The following HS6ST2 variants were observed in gnomAD, a reference collection of about 807,000 sequenced individuals.
HS6ST2 encodes heparan sulfate 6-O-sulfotransferase 2, also known as heparan-sulfate 6-O-sulfotransferase 2.
In HS6ST2, 17 loss-of-function variants were observed where a neutral mutation model predicts 33.0. The ratio of observed to expected loss-of-function variants is 0.52; its 90% confidence interval spans 0.35 to 0.77. The LOEUF (loss-of-function observed/expected upper bound fraction) is 0.77. HS6ST2 is among the 30% of genes least tolerant of loss of function. The pLI is 0.01. For missense variants in HS6ST2, 519 were observed against 551.7 expected (o/e 0.94, Z 0.59); for synonymous variants, 248 against 237.1 (o/e 1.05, Z -0.42).
upstream of HS6ST2, among the ~76,000 whole-genome samples, chrX:132,959,059 A>C (rs1013860580): frequency 3.6e-5 from 4 of 111,761 alleles, no homozygotes; most frequent in African/African-American, 1.3e-4. Context: ...ACTCCATCAG[A>C]GTGAGACCGT....
chrX:132,882,200 G>A (rs1463818672), intron 2 of HS6ST2, among the ~76,000 whole-genome samples: 3 of 111,145 alleles, frequency 2.7e-5, no homozygotes, highest in East Asian at 2.8e-4. Context: ...CATTGAATCT[G>A]TAAATTACCT....
chrX:132,703,102 A>G (rs1161061499), intron 3 of HS6ST2, among the ~76,000 whole-genome samples: 2 of 112,344 alleles, frequency 1.8e-5, no homozygotes, highest in African/African-American at 6.5e-5. Context: ...TGTGCACATC[A>G]TTATAATGAG....
At chrX:132,801,745 A>G (rs2065237539) in intron 2 of HS6ST2, among the ~76,000 whole-genome samples, 1 of 112,284 alleles carries the variant, frequency 8.9e-6, no homozygotes, top group Admixed American at 9.5e-5. Context: ...TAGTAGTAAG[A>G]AGGAAAACAT....
chrX:132,637,874 TA>T (rs1569475969), intron 4 of HS6ST2, among the ~76,000 whole-genome samples: 5 of 41,559 alleles, frequency 1.2e-4, no homozygotes, highest in African/African-American at 4.1e-4. Context: ...ATATTATATA[TA>T]ATATATATAT....
intron 2 of HS6ST2, among the ~76,000 whole-genome samples, chrX:132,794,209 G>C (rs2065149317): frequency 8.9e-6 from 1 of 111,741 alleles, no homozygotes; most frequent in Non-Finnish European, 1.9e-5. Flanking sequence ...TTAGATGAAG[G>C]CTTCCTTCTG....
At chrX:132,910,904 C>T (rs780039466) in intron 2 of HS6ST2, among the ~76,000 whole-genome samples, 1 of 111,614 alleles carries the variant, frequency 9.0e-6, no homozygotes, top group South Asian at 3.8e-4. Context: ...AATCCCAACA[C>T]TTTGGGAGGC....
Position 132,875,939 on chromosome X carries a change from GA to G in HS6ST2, c.947+80868del, listed in dbSNP as rs375217686. On this transcript the variant is annotated intron_variant, in intron 2 of 4. Transcript: ENST00000370833. ...TTCAAAAGGATGTGAAGTGATCCAA[GA>G]AAAAAAAAAAACTCAGCCTCTTTGG... Among the ~76,000 whole-genome samples the G allele has an allele frequency of 9.4e-3, 955 of 101,347 alleles. 4 individuals carry two copies. The highest frequency in any genetic ancestry group is 0.025 in the Middle Eastern group (5 of 200). The allele number at this position is 101,347 out of a possible 115,157, so 88.0% of individuals were successfully genotyped here. A position where few individuals can be genotyped will look rare whatever the true frequency, so the allele number is the denominator to read the frequency against.
At chrX:132,641,294 C>G (rs963531168) in intron 4 of HS6ST2, among the ~76,000 whole-genome samples, 1 of 111,880 alleles carries the variant, frequency 8.9e-6, no homozygotes, top group Non-Finnish European at 1.9e-5. Flanking sequence ...CAGGCATGCA[C>G]CACAATGCCC....
At chrX:132,650,698 C>T (rs772363093) in intron 4 of HS6ST2, among the ~76,000 whole-genome samples, 19 of 107,744 alleles carry the variant, frequency 1.8e-4, no homozygotes, top group African/African-American at 5.5e-4. Context: ...CTCAACCCAC[C>T]CCTGCCCCAA....
chrX:132,744,702 G>T (rs1330462857), intron 2 of HS6ST2, among the ~76,000 whole-genome samples: 1 of 111,123 alleles, frequency 9.0e-6, no homozygotes, highest in East Asian at 2.8e-4. Flanking sequence ...GGTGCCCCAG[G>T]GTTATGTAAA....
chrX:132,889,469 G>T (rs1187237160), intron 2 of HS6ST2, among the ~76,000 whole-genome samples: 1 of 111,104 alleles, frequency 9.0e-6, no homozygotes, highest in Non-Finnish European at 1.9e-5. Context: ...CTGGGTCAAA[G>T]GGAACGGTAT....
At chrX:132,943,852 C>T (rs756750189) in intron 2 of HS6ST2, among the ~76,000 whole-genome samples, 2 of 111,484 alleles carry the variant, frequency 1.8e-5, no homozygotes, top group Non-Finnish European at 3.8e-5. Flanking sequence ...ATTGATGGGA[C>T]GTATCTCAAA....
chrX:132,791,825 AT>A (rs2065122044), intron 2 of HS6ST2, among the ~76,000 whole-genome samples: 1 of 108,788 alleles, frequency 9.2e-6, no homozygotes, highest in Non-Finnish European at 1.9e-5. Flanking sequence ...AAAAAAAAAA[AT>A]CAAACAAATA....
At chrX:132,678,193 A>C (rs2063939213) in intron 3 of HS6ST2, among the ~76,000 whole-genome samples, 1 of 111,658 alleles carries the variant, frequency 9.0e-6, no homozygotes, top group Non-Finnish European at 1.9e-5. Flanking sequence ...GTCTCTACAA[A>C]AACAAAAACA....
chrX:132,955,957 TCCTGGTGACTGAACCCC>T (rs1347910551), intron 2 of HS6ST2, among the ~76,000 whole-genome samples: 1 of 112,220 alleles, frequency 8.9e-6, no homozygotes, highest in Non-Finnish European at 1.9e-5. Context: ...CAGGAGAGGC[TCCTGGTGACTGAACCCC>T]ACATGGGGTC....
intron 2 of HS6ST2, among the ~76,000 whole-genome samples, chrX:132,883,210 C>T (rs377730728): frequency 1.8e-5 from 2 of 111,472 alleles, no homozygotes; most frequent in African/African-American, 3.3e-5. Flanking sequence ...ATGGTACCAG[C>T]TCCTCCTTGT....
At chrX:132,841,066 C>A (rs1248598901) in intron 2 of HS6ST2, among the ~76,000 whole-genome samples, 1 of 111,888 alleles carries the variant, frequency 8.9e-6, no homozygotes, top group African/African-American at 3.3e-5. Flanking sequence ...TGATCTCATA[C>A]AATCACCCAA....
intron 2 of HS6ST2, among the ~76,000 whole-genome samples, chrX:132,930,122 T>C (rs5977787): frequency 0.36 from 40,156 of 110,186 alleles, 6,173 homozygotes; most frequent in Middle Eastern, 0.52. Flanking sequence ...AAGCTTTTTT[T>C]TTTCGCTTTG....
At chrX:132,681,488 T>C (rs2063970267) in intron 3 of HS6ST2, among the ~76,000 whole-genome samples, 1 of 111,637 alleles carries the variant, frequency 9.0e-6, no homozygotes, top group Admixed American at 9.5e-5. Context: ...GGCTCTGATA[T>C]AATCAGAATT....
Sources: allele counts gnomAD v4.1 joint callset (sites outside exome capture counted in the v4.1 genomes callset), GRCh38; gene constraint gnomAD v4.1.1; transcripts MANE v1.5; gene names NCBI Gene and HGNC (gene_info 2026-07-23, HGNC 2026-07-21).